Variants in THRB observed in about 807,000 individuals in gnomAD.
THRB encodes thyroid hormone receptor beta, also known as nuclear receptor subfamily 1 group A member 2.
In THRB, 12 loss-of-function variants were observed where a neutral mutation model predicts 47.8. That is an observed-to-expected ratio of 0.25 (90% CI 0.16 to 0.41). The LOEUF (loss-of-function observed/expected upper bound fraction) is 0.41, where lower values mean the gene tolerates loss of function less well. Among genes scored for constraint, THRB ranks in the 10% least tolerant of loss-of-function variants. The probability of loss-of-function intolerance (pLI) is 1.00; values close to 1 mark genes in which losing one functional copy is unlikely to be tolerated. For missense variants in THRB, 348 were observed against 589.2 expected, an observed-to-expected ratio of 0.59 and a Z score of 4.24; for synonymous variants, 218 against 212.2, an observed-to-expected ratio of 1.03 and a Z score of -0.24.
chr3:24,276,887 T>C (rs2053972052), intron 3 of THRB, among the ~76,000 whole-genome samples: 1 of 152,252 alleles, frequency 6.6e-6, no homozygotes, highest in Admixed American at 6.5e-5. Context: ...CTACATTTTA[T>C]AAAACATATT....
At chr3:24,205,387 A>G (rs535180875) in intron 4 of THRB, among the ~76,000 whole-genome samples, 40 of 152,354 alleles carry the variant, frequency 2.6e-4, no homozygotes, top group Non-Finnish European at 4.6e-4. Context: ...AGAATTTCAT[A>G]TCCAGCCAAA....
intron 1 of THRB, among the ~76,000 whole-genome samples, chr3:24,477,841 A>G (rs1320420096): frequency 6.6e-6 from 1 of 150,984 alleles, no homozygotes; most frequent in Non-Finnish European, 1.5e-5. Context: ...CCAAAAAAGT[A>G]CAAGCAATGC....
At chr3:24,256,603 C>G (rs561074964) in intron 3 of THRB, among the ~76,000 whole-genome samples, 163 of 152,126 alleles carry the variant, frequency 1.1e-3, no homozygotes, top group African/African-American at 3.2e-3. Flanking sequence ...GGAGTCCCAT[C>G]TGGAAGGAGA....
intron 4 of THRB, 86 bp downstream of exon 4, chr3:24,228,852 C>T: frequency 7.7e-7 from 1 of 1,306,418 alleles, no homozygotes; most frequent in East Asian, 2.3e-5. Context: ...CTAAAACTCG[C>T]AAGTTAATCT....
intron 1 of THRB, among the ~76,000 whole-genome samples, chr3:24,409,649 G>C (rs1173036863): frequency 6.6e-6 from 1 of 151,804 alleles, no homozygotes; most frequent in African/African-American, 2.4e-5. Context: ...CACAGTGCCT[G>C]ACACACAGAA....
At chr3:24,248,124 A>T (rs570249777) in intron 3 of THRB, among the ~76,000 whole-genome samples, 20 of 152,236 alleles carry the variant, frequency 1.3e-4, no homozygotes, top group African/African-American at 4.6e-4. Flanking sequence ...TCTATTAATA[A>T]TCAGTGCTCC....
At chr3:24,402,348 C>A (rs1001793717) in intron 1 of THRB, among the ~76,000 whole-genome samples, 1 of 152,032 alleles carries the variant, frequency 6.6e-6, no homozygotes, top group Admixed American at 6.6e-5. Flanking sequence ...GATCCCCAAT[C>A]TGACCAAATC....
intron 5 of THRB, among the ~76,000 whole-genome samples, chr3:24,158,433 TG>T (rs1297009115): frequency 1.2e-5 from 1 of 81,030 alleles, no homozygotes; most frequent in Admixed American, 1.3e-4. Flanking sequence ...TTTTTTTTTT[TG>T]GGGGGAGGGT....
chr3:24,401,845 T>C (rs1362158109), intron 1 of THRB, among the ~76,000 whole-genome samples: 2 of 151,924 alleles, frequency 1.3e-5, no homozygotes, highest in Admixed American at 6.6e-5. Context: ...GGGATAAATA[T>C]GTGTTTAAAA....
At chr3:24,480,486 G>A (rs772140382) in intron 1 of THRB, among the ~76,000 whole-genome samples, 158 of 152,142 alleles carry the variant, frequency 1.0e-3, no homozygotes, top group Non-Finnish European at 1.8e-3. Flanking sequence ...GGATGGCAGG[G>A]ATCAAATGAC....
At chr3:24,146,121 A>C (rs1036173951) in intron 7 of THRB, among the ~76,000 whole-genome samples, 1 of 152,212 alleles carries the variant, frequency 6.6e-6, no homozygotes, top group Non-Finnish European at 1.5e-5. Flanking sequence ...TATAACAAAC[A>C]ACCAACTGCA....
chr3:24,348,845 C>A (rs1224698614), intron 1 of THRB: 1 of 151,912 alleles, frequency 6.6e-6, no homozygotes, highest in Non-Finnish European at 1.5e-5. Context: ...TTTCTATAAC[C>A]ACCTCTATAA....
At position 24,131,603 on chromosome 3, in the gene THRB, G is replaced by A. The variant is rs146220708; in HGVS notation, c.885+1713C>T. On this transcript the variant is annotated intron_variant, in intron 9 of 10. Transcript: ENST00000646209. ...TCCCCAGTGTGATGGTATTGAAGGC[G>A]GGGCCTTTGGGAGGTGATGAGGTCA... 3.1e-3 allele frequency among the ~76,000 whole-genome samples: 467 copies of A among 152,292 alleles called. 3 individuals are homozygous for A. Among genetic ancestry groups the A allele is most frequent in the African/African-American group, 0.011 (439 of 41,576 alleles).
intron 1 of THRB, among the ~76,000 whole-genome samples, chr3:24,352,954 T>G (rs1314128526): frequency 1.3e-5 from 2 of 152,162 alleles, no homozygotes; most frequent in East Asian, 3.8e-4. Flanking sequence ...ACTATATTTC[T>G]TTATAAACTC....
chr3:24,149,931 T>A (rs2036658370), intron 6 of THRB, among the ~76,000 whole-genome samples: 1 of 152,250 alleles, frequency 6.6e-6, no homozygotes, highest in Admixed American at 6.5e-5. Flanking sequence ...CTTGCTTTTA[T>A]AAATCAATAT....
intron 3 of THRB, among the ~76,000 whole-genome samples, chr3:24,261,009 G>A (rs921663659): frequency 5.3e-5 from 8 of 149,978 alleles, no homozygotes; most frequent in African/African-American, 2.0e-4. Context: ...TAATTCCCAA[G>A]TGATGCCGAT....
intron 3 of THRB, among the ~76,000 whole-genome samples, chr3:24,242,808 A>T (rs545547862): frequency 8.4e-4 from 128 of 152,214 alleles, no homozygotes; most frequent in African/African-American, 3.0e-3. Context: ...AAAGAATGAG[A>T]TTGACCTCAA....
chr3:24,367,347 C>T (rs1401978496), intron 1 of THRB, among the ~76,000 whole-genome samples: 2 of 152,124 alleles, frequency 1.3e-5, no homozygotes, highest in African/African-American at 4.8e-5. Flanking sequence ...TGTATCAAAC[C>T]TCTTTGGTTT....
intron 1 of THRB, among the ~76,000 whole-genome samples, chr3:24,463,224 G>A (rs555226325): frequency 7.2e-5 from 11 of 152,264 alleles, no homozygotes; most frequent in Non-Finnish European, 1.5e-4. Context: ...AACGGGGAAC[G>A]GCTTTTCTCT....
Sources: gnomAD v4.1 joint callset for allele counts (sites outside exome capture counted in the v4.1 genomes callset) on GRCh38, gnomAD v4.1.1 for gene constraint, MANE v1.5 for transcripts, NCBI Gene and HGNC (gene_info 2026-07-23, HGNC 2026-07-21) for gene names.